The following PUF60 variants were observed in gnomAD, a reference collection of about 807,000 sequenced individuals.
PUF60 encodes the protein poly(U)-binding-splicing factor PUF60.
A neutral mutation model predicts 61.8 loss-of-function variants in PUF60; 10 were observed. The observed-to-expected ratio is 0.16, with a 90% CI of 0.10 to 0.27. The LOEUF (loss-of-function observed/expected upper bound fraction) is 0.27, where lower values mean the gene tolerates loss of function less well. PUF60 is among the 10% of genes least tolerant of loss of function. The pLI is 1.00. For synonymous variants in PUF60, 353 were observed against 300.9 expected (o/e 1.17, Z -1.79); for missense variants, 371 against 754.0 (o/e 0.49, Z 5.95).
intron 4 of PUF60, chr8:143,821,219 T>C (rs921311940): frequency 1.6e-5 from 7 of 439,118 alleles, no homozygotes; most frequent in Admixed American, 3.7e-5. Flanking sequence ...GCCTGAGCAG[T>C]CTTATCCAGG....
Position 143,818,058 on chromosome 8 carries a change from G to T in PUF60, c.621C>A (p.Asn207Lys). 1 of 1,612,466 alleles carries T rather than the reference G, an allele frequency of 6.2e-7. No individual in the cohort carries two copies. The highest frequency in any genetic ancestry group is 1.1e-5 in the South Asian group (1 of 91,052). Residue 207 changes from asparagine (N) to lysine (K), a missense_variant, in exon 8 of 12, where the codon AAC (asparagine) becomes AAA (lysine). Asn to Lys is a moderately conservative substitution (Grantham distance 94). Coordinates refer to ENST00000526683, the MANE Select transcript of PUF60 (RefSeq NM_078480.3). The surrounding 1 kb of genome is among the most constrained non-coding windows in gnomAD (Gnocchi z 7.9). ...CTATGATGGGCTGGGCCTGCCCTAT[G>T]TTGCTGGGTCTGCCCACCTGGGGAA... ...GRNIKVGRPSNIGQAQPIIDQ... is the reference protein window; with the variant it reads ...GRNIKVGRPSKIGQAQPIIDQ...
At position 143,817,108 on chromosome 8, in the gene PUF60, G is replaced by C; in HGVS notation, c.1182C>G (p.Ile394Met). Residue 394 changes from isoleucine (I) to methionine (M), a missense_variant, in exon 11 of 12, where the codon ATC becomes ATG. Physicochemically the swap from Ile to Met is conservative, Grantham distance 10. Transcript: ENST00000526683. The surrounding 1 kb of genome is among the most constrained non-coding windows in gnomAD (Gnocchi z 7.4). ...TGGGGTTCACCACTCCCACCGAGGG[G>C]ATGGTGACCGGGATAGGAGGACGGG... is the stretch of plus-strand genomic sequence containing the variant. ...TPARPPIPVT[I>M]PSVGVVNPIL... is the part of the protein sequence containing the mutation. The C allele has an allele frequency of 1.2e-6, 2 of 1,610,504 alleles. No homozygotes were observed. The highest frequency in any genetic ancestry group is 1.7e-6 in the Non-Finnish European group (2 of 1,178,810).
intron 2 of PUF60, chr8:143,823,265 G>A (rs576869679): frequency 1.3e-5 from 2 of 155,370 alleles, no homozygotes; most frequent in African/African-American, 4.8e-5. Flanking sequence ...CACTAGGCCT[G>A]TCCTCACCAC....
Position 143,817,398 on chromosome 8 carries a change from G to C in PUF60, c.1077C>G (p.Thr359=). Residue 359 remains threonine (T), a synonymous_variant, in exon 10 of 12, where the codon ACC becomes ACG. Coordinates refer to ENST00000526683, the MANE Select transcript of PUF60 (RefSeq NM_078480.3). This position sits in a 1 kb window ranked among gnomAD's most constrained non-coding sequence, Gnocchi z 7.4. The stretch of plus-strand genomic sequence containing the variant: ...GCAAAGTGCCCAGGGGCTGGGCCAG[G>C]GTCAGTGCTGGGGACACCAGTCCAG... ...GTPGLVSPAL[T]LAQPLGTLPQ... is the part of the protein sequence containing the mutation. 2 of 1,593,720 alleles carry C rather than the reference G, an allele frequency of 1.3e-6. No homozygotes were observed. Among genetic ancestry groups the C allele is most frequent in the Non-Finnish European group, 1.7e-6 (2 of 1,174,262 alleles).
intron 4 of PUF60, chr8:143,821,354 T>TGCAGCCAA: frequency 3.4e-6 from 2 of 596,962 alleles, no homozygotes; most frequent in Non-Finnish European, 6.0e-6. Context: ...AGGGTAGAGC[T>TGCAGCCAA]GCAGCCAAGC....
intron 1 of PUF60, chr8:143,829,020 G>A (rs1171894535): frequency 2.0e-6 from 2 of 998,182 alleles, no homozygotes; most frequent in Non-Finnish European, 2.4e-6. Flanking sequence ...AGGCTCGCCC[G>A]CAAGGGCCAC....
At chr8:143,824,267 C>T (rs1045378367) in intron 2 of PUF60, 46 bp downstream of exon 2, 10 of 1,465,692 alleles carry the variant, frequency 6.8e-6, no homozygotes, top group East Asian at 2.8e-5. Context: ...GGCGGGCGGG[C>T]GGGCAGGCGG....
At chr8:143,828,551 G>C (rs1470262882) in intron 1 of PUF60, among the ~76,000 whole-genome samples, 1 of 152,218 alleles carries the variant, frequency 6.6e-6, no homozygotes, top group Non-Finnish European at 1.5e-5. Context: ...TCACTCCTCT[G>C]GATGCCCACG....
chr8:143,824,520 C>T lies in PUF60; in HGVS notation c.25-121G>A, dbSNP rs865948485. 88 of 987,344 alleles carry T rather than the reference C, an allele frequency of 8.9e-5. 1 individual carries two copies. The Middle Eastern group carries it at 1.5e-3, about 17-fold the overall frequency. The allele number at this position is 987,344 out of a possible 1,614,324, so 61.2% of individuals were successfully genotyped here. On this transcript the variant is annotated intron_variant, in intron 1 of 11. Transcript: ENST00000526683. ...AAGCAAGGGAGGCCAGGCAGGGAGG[C>T]ATTCCCGACATGACCCCCCAGCCCA...
chr8:143,821,251 C>T (rs1037264556), intron 4 of PUF60: 27 of 488,684 alleles, frequency 5.5e-5, no homozygotes, highest in Non-Finnish European at 8.2e-5. Context: ...GGGAGGCCCA[C>T]GCCCTGCATG....
rs532925815 is a variant in PUF60 at position 143,818,745 on chromosome 8, C to A, written c.349-211G>T. On this transcript the variant is annotated intron_variant, in intron 5 of 11. Coordinates refer to ENST00000526683, the MANE Select transcript of PUF60 (RefSeq NM_078480.3). The surrounding 1 kb of genome is among the most constrained non-coding windows in gnomAD (Gnocchi z 7.9). Reference sequence around the variant, plus strand: ...AGGAAGGCCAGGCCCAGCGGCAGGACAGGACGCACCCCAGCCCGCCAAGGT... The same window carrying A: ...AGGAAGGCCAGGCCCAGCGGCAGGAAAGGACGCACCCCAGCCCGCCAAGGT... 8.3e-5 allele frequency: 50 copies of A among 601,938 alleles called. No individual in the cohort carries two copies. The highest frequency in any genetic ancestry group is 1.2e-4 in the Non-Finnish European group (43 of 346,950). 37.3% of individuals were successfully genotyped at this position (601,938 alleles called of 1,614,324 possible). A position where few individuals can be genotyped will look rare whatever the true frequency, so the allele number is the denominator to read the frequency against.
At position 143,818,087 on chromosome 8, in the gene PUF60, G is replaced by A. The variant is rs767934780; in HGVS notation, c.604-12C>T. ...CTGGGTCTGCCCACCTGGGGAAGAG[G>A]CGGTGAGATGGAAAGACCGGTCAAC... On this transcript the variant is annotated splice_polypyrimidine_tract_variant and intron_variant, in intron 7 of 11. Coordinates refer to ENST00000526683, the MANE Select transcript of PUF60 (RefSeq NM_078480.3). This position sits in a 1 kb window ranked among gnomAD's most constrained non-coding sequence, Gnocchi z 7.9. 4 of 1,610,608 alleles carry A rather than the reference G, an allele frequency of 2.5e-6. No individual in the cohort carries two copies. The highest frequency in any genetic ancestry group is 1.1e-5 in the South Asian group (1 of 90,856).
intron 1 of PUF60, chr8:143,824,829 A>G (rs1472772497): frequency 1.5e-5 from 3 of 198,998 alleles, no homozygotes; most frequent in African/African-American, 7.0e-5. Context: ...CCCCAGCTCC[A>G]GTGCCTTCCA....
intron 2 of PUF60, chr8:143,822,902 G>A: frequency 3.3e-6 from 1 of 300,734 alleles, no homozygotes; most frequent in Non-Finnish European, 6.6e-6. Flanking sequence ...CAGCCTTGAG[G>A]GACAGCAGAG....
In PUF60 at chr8:143,816,961, C is replaced by T. The variant is rs368018307; in HGVS notation, c.1329G>A (p.Ser443=). The T allele has an allele frequency of 1.6e-5, 26 of 1,599,232 alleles. No individual in the cohort carries two copies. The highest frequency in any genetic ancestry group is 4.5e-5 in the South Asian group (4 of 89,252). ...MLSEQEHMSI[S]GSSARHMVMQ... ...TCACCATGTGTCGGGCGCTACTGCC[C>T]GAGATGCTCATGTGCTCCTGCTCGC... The change falls in exon 11 of 12, where the codon TCG becomes TCA. Residue 443 remains serine, a synonymous_variant. Coordinates refer to ENST00000526683, the MANE Select transcript of PUF60 (RefSeq NM_078480.3).
At chr8:143,824,433 C>G (rs568156792) in intron 1 of PUF60, 34 bp from the exon 2 acceptor site, 82 of 1,596,992 alleles carry the variant, frequency 5.1e-5, no homozygotes, top group Non-Finnish European at 6.3e-5. Context: ...TAACGACAGG[C>G]ACACCACCCC....
In PUF60 at chr8:143,816,997, T is replaced by G; in HGVS notation, c.1293A>C (p.Pro431=). Reference sequence around the variant, plus strand: ...TGTGCTCCTGCTCGCTCAGCATCTCTGGCCGCTCTGACTCGGGAAACAGCT... The same window carrying G: ...TGTGCTCCTGCTCGCTCAGCATCTCGGGCCGCTCTGACTCGGGAAACAGCT... The part of the protein sequence containing the change: ...EEELFPESER[P]EMLSEQEHMS... Residue 431 remains proline (P), a synonymous_variant, in exon 11 of 12, where the codon CCA becomes CCC. Coordinates refer to ENST00000526683, the MANE Select transcript of PUF60 (RefSeq NM_078480.3). The G allele has an allele frequency of 4.4e-6, 7 of 1,606,948 alleles. No individual in the cohort carries two copies. Among genetic ancestry groups the G allele is most frequent in the Non-Finnish European group, 5.9e-6 (7 of 1,176,950 alleles).
In PUF60 at chr8:143,816,785, G is replaced by A. The variant is rs763460192; in HGVS notation, c.1415C>T (p.Pro472Leu). Reference sequence around the variant, plus strand: ...TTCCAGGTCATCATCGATGTCCTTGGGGTCCACCATGTTGCGCAGAACCAT... The same window carrying A: ...TTCCAGGTCATCATCGATGTCCTTGAGGTCCACCATGTTGCGCAGAACCAT... Reference protein sequence around the residue: ...TVMVLRNMVDPKDIDDDLEGE... With the variant: ...TVMVLRNMVDLKDIDDDLEGE... The change falls in exon 12 of 12, where the codon CCC becomes CTC. Residue 472 changes from proline to leucine, a missense_variant. Pro to Leu is a moderately conservative substitution (Grantham distance 98). This residue lies in a region of PUF60 where 38 missense variants were observed against 112.9 expected (regional missense o/e 0.34). Coordinates refer to ENST00000526683, the MANE Select transcript of PUF60 (RefSeq NM_078480.3). The A allele has an allele frequency of 6.2e-7, 1 of 1,613,490 alleles. No homozygotes were observed. Among genetic ancestry groups the A allele is most frequent in the South Asian group, 1.1e-5 (1 of 91,068 alleles).
chr8:143,829,137 C>T (rs1287969375), intron 1 of PUF60, 143 bp downstream of exon 1: 1 of 1,198,064 alleles, frequency 8.3e-7, no homozygotes, highest in East Asian at 3.5e-5. Context: ...GCCCCCGCCT[C>T]ACGCGACCCG....
Sources: gnomAD v4.1 joint callset for allele counts (sites outside exome capture counted in the v4.1 genomes callset) on GRCh38, gnomAD v4.1.1 for gene constraint, gnomAD v4.1.1 regional missense constraint, Gnocchi (gnomAD v3.1) non-coding constraint, MANE v1.5 for transcripts, NCBI Gene and HGNC (gene_info 2026-07-23, HGNC 2026-07-21) for gene names.